DNM3: variants seen among roughly 807,000 people sequenced by gnomAD.
DNM3 encodes dynamin 3.
A neutral mutation model predicts 101.6 loss-of-function variants in DNM3; 47 were observed. The ratio of observed to expected loss-of-function variants is 0.46; its 90% CI spans 0.37 to 0.59. The LOEUF is 0.59. DNM3 is among the 20% of genes least tolerant of loss of function. The pLI, the probability that DNM3 is intolerant of heterozygous loss-of-function variation, is 0.00. For synonymous variants in DNM3, 385 were observed against 387.9 expected (o/e 0.99, Z 0.09); for missense variants, 849 against 1,085.7 (o/e 0.78, Z 3.06).
At chr1:171,927,261 TG>T (rs1027923517) in intron 2 of DNM3, among the ~76,000 whole-genome samples, 2 of 152,180 alleles carry the variant, frequency 1.3e-5, no homozygotes, top group Non-Finnish European at 2.9e-5. Context: ...ATTTTAGGTT[TG>T]GGGGTGCATG....
In DNM3 at chr1:172,038,467, T is replaced by C; in HGVS notation, c.992+6T>C. The C allele has an allele frequency of 6.2e-7, 1 of 1,611,722 alleles. No individual in the cohort carries two copies. On this transcript the variant is annotated splice_donor_region_variant and intron_variant, in intron 7 of 20. Transcript: ENST00000627582. Reference sequence around the variant, plus strand: ...AAGACCAAAGCATTGCTGCAGTAGGTCACCTTTCCCTTCCTTGGCTCAGCA... The same window carrying C: ...AAGACCAAAGCATTGCTGCAGTAGGCCACCTTTCCCTTCCTTGGCTCAGCA...
At chr1:172,169,183 G>A (rs1572810763) in intron 14 of DNM3, among the ~76,000 whole-genome samples, 1 of 151,732 alleles carries the variant, frequency 6.6e-6, no homozygotes, top group African/African-American at 2.4e-5. Context: ...ATATTGAGGG[G>A]ATATTCCTCC....
At chr1:172,357,930 G>A (rs551069079) in intron 17 of DNM3, among the ~76,000 whole-genome samples, 1 of 152,130 alleles carries the variant, frequency 6.6e-6, no homozygotes, top group Admixed American at 6.6e-5. Context: ...TTCAGGAAAA[G>A]TGGGCCAAGT....
At chr1:172,166,604 T>C (rs1399155700) in intron 14 of DNM3, among the ~76,000 whole-genome samples, 1 of 152,094 alleles carries the variant, frequency 6.6e-6, no homozygotes, top group Admixed American at 6.6e-5. Context: ...TGTTTTTGAA[T>C]TCTAAGTATC....
intron 11 of DNM3, among the ~76,000 whole-genome samples, chr1:172,070,766 G>C (rs1319848200): frequency 2.6e-5 from 4 of 151,932 alleles, no homozygotes; most frequent in Non-Finnish European, 5.9e-5. Context: ...TTAACTCACA[G>C]ACATTTTGTG....
At chr1:171,934,319 T>G (rs537972123) in intron 2 of DNM3, among the ~76,000 whole-genome samples, 1 of 152,252 alleles carries the variant, frequency 6.6e-6, no homozygotes, top group African/African-American at 2.4e-5. Flanking sequence ...TAAGCATCCT[T>G]GCATTCCTAA....
intron 14 of DNM3, among the ~76,000 whole-genome samples, chr1:172,150,959 T>C (rs1172789615): frequency 6.6e-6 from 1 of 152,204 alleles, no homozygotes; most frequent in African/African-American, 2.4e-5. Context: ...CACCCTTGAG[T>C]TTATCTGGTT....
At position 172,379,050 on chromosome 1, in the gene DNM3, C is replaced by T; in HGVS notation, c.1926C>T (p.Asn642=). The T allele has an allele frequency of 6.2e-7, 1 of 1,612,066 alleles. No individual in the cohort carries two copies. The highest frequency in any genetic ancestry group is 8.5e-7 in the Non-Finnish European group (1 of 1,178,850). ...AENDENGQAE[N]FSMDPQLERQ... is the part of the protein sequence containing the mutation. ...ATGATGAGAATGGACAAGCAGAAAA[C>T]TTTTCCATGGACCCACAATTGGAGA... The change falls in exon 18 of 21, where the codon AAC becomes AAT. Residue 642 remains asparagine, a synonymous_variant. Coordinates refer to ENST00000627582, the MANE Select transcript of DNM3 (RefSeq NM_015569.5).
chr1:171,869,704 A>G (rs1464766574), intron 1 of DNM3, among the ~76,000 whole-genome samples: 1 of 152,248 alleles, frequency 6.6e-6, no homozygotes, highest in Non-Finnish European at 1.5e-5. Flanking sequence ...TGCTGGTAAA[A>G]TATTTCACTG....
intron 1 of DNM3, among the ~76,000 whole-genome samples, chr1:171,886,461 C>G (rs773705596): frequency 5.3e-5 from 8 of 152,094 alleles, no homozygotes; most frequent in Admixed American, 1.3e-4. Context: ...ACACAAAAAA[C>G]AAGGGGATAC....
intron 17 of DNM3, among the ~76,000 whole-genome samples, chr1:172,369,289 A>T (rs1479279312): frequency 1.3e-5 from 2 of 151,952 alleles, no homozygotes; most frequent in Non-Finnish European, 2.9e-5. Context: ...ATCAAGTGGG[A>T]TTTATCTCAA....
At chr1:172,301,970 G>A (rs1182600212) in intron 15 of DNM3, among the ~76,000 whole-genome samples, 2 of 152,206 alleles carry the variant, frequency 1.3e-5, no homozygotes, top group Admixed American at 1.3e-4. Context: ...GATCTACTCA[G>A]AAGATGGGTG....
In DNM3 at chr1:172,020,793, C is replaced by T. The variant is rs143991385; in HGVS notation, c.590-11609C>T. On this transcript the variant is annotated intron_variant, in intron 4 of 20. Coordinates refer to ENST00000627582, the MANE Select transcript of DNM3 (RefSeq NM_015569.5). ...CCAGTTGATCACTTTCCTCCTTTCC[C>T]TACCAGAAGCATAAGGGGATTTTTC... Among the ~76,000 whole-genome samples the T allele has an allele frequency of 2.8e-3, 423 of 151,224 alleles. 3 individuals carry two copies. Among genetic ancestry groups the T allele is most frequent in the African/African-American group, 9.9e-3 (409 of 41,152 alleles).
chr1:171,975,949 G>A (rs998524663), intron 2 of DNM3, among the ~76,000 whole-genome samples: 5 of 151,968 alleles, frequency 3.3e-5, no homozygotes, highest in Non-Finnish European at 7.4e-5. Flanking sequence ...ACTTCAGCCT[G>A]GGCAACTTAG....
chr1:172,300,371 T>C (rs1338801532), intron 15 of DNM3, among the ~76,000 whole-genome samples: 3 of 152,236 alleles, frequency 2.0e-5, no homozygotes, highest in African/African-American at 7.2e-5. Flanking sequence ...TCTTTTTTGC[T>C]GTCTAGGAGA....
chr1:172,380,929 G>A (rs1224151848), intron 18 of DNM3: 2 of 148,998 alleles, frequency 1.3e-5, no homozygotes, highest in Non-Finnish European at 3.0e-5. Flanking sequence ...ACAGGAAATA[G>A]CACTTCCTGC....
At chr1:172,200,630 G>A (rs1156290894) in intron 14 of DNM3, among the ~76,000 whole-genome samples, 1 of 151,680 alleles carries the variant, frequency 6.6e-6, no homozygotes, top group Non-Finnish European at 1.5e-5. Context: ...ATTTTTTTCT[G>A]ATTGTCTTAT....
At chr1:172,284,242 T>C (rs1186139910) in intron 15 of DNM3, among the ~76,000 whole-genome samples, 1 of 152,194 alleles carries the variant, frequency 6.6e-6, no homozygotes, top group East Asian at 1.9e-4. Flanking sequence ...GTAAATATTT[T>C]CTTTATCTGG....
chr1:172,093,589 T>A, intron 13 of DNM3: 1 of 902,922 alleles, frequency 1.1e-6, no homozygotes, highest in Non-Finnish European at 1.6e-6. Context: ...TTGAAACCTC[T>A]GCTCTAGATT....
Sources: allele counts gnomAD v4.1 joint callset (sites outside exome capture counted in the v4.1 genomes callset), GRCh38; gene constraint gnomAD v4.1.1; transcripts MANE v1.5; gene names NCBI Gene and HGNC (gene_info 2026-07-23, HGNC 2026-07-21).